The following ABHD2 variants were observed in gnomAD, a reference collection of about 807,000 sequenced individuals.
ABHD2 encodes the protein monoacylglycerol lipase ABHD2.
ABHD2 carries 20 observed loss-of-function variants against 48.1 expected under a neutral mutation model. That is an observed-to-expected ratio of 0.42 (90% CI 0.29 to 0.60). ABHD2 has a LOEUF of 0.60. Ranked by LOEUF, ABHD2 falls within the 20% of genes least tolerant of loss-of-function variation. The pLI is 0.24. For missense variants in ABHD2, 405 were observed against 550.9 expected (o/e 0.74, Z 2.65); for synonymous variants, 209 against 214.2 (o/e 0.98, Z 0.21).
In ABHD2 at chr15:89,174,215, A is replaced by G. The variant is rs1454913830; in HGVS notation, c.539-1597A>G. Among the ~76,000 whole-genome samples, 1 of 152,170 alleles carries G rather than the reference A, an allele frequency of 6.6e-6. No homozygotes were observed. The highest frequency in any genetic ancestry group is 1.9e-4 in the East Asian group (1 of 5,204). ...ATATTGCCAGACATATTGTAAAGGG[A>G]AAAAAAGAGCCACCGAACAATGTGT... On this transcript the variant is annotated intron_variant, in intron 5 of 10. Coordinates refer to ENST00000352732, the MANE Select transcript of ABHD2 (RefSeq NM_152924.5). This position sits in a 1 kb window ranked among gnomAD's most constrained non-coding sequence, Gnocchi z 4.1.
intron 5 of ABHD2, among the ~76,000 whole-genome samples, chr15:89,159,012 A>ATT (rs2050719129): frequency 6.6e-6 from 1 of 151,950 alleles, no homozygotes; most frequent in Non-Finnish European, 1.5e-5. Flanking sequence ...TTGGTGAGAG[A>ATT]TTAACCGTGC....
At chr15:89,130,123 G>C (rs2050196183) in intron 3 of ABHD2, among the ~76,000 whole-genome samples, 1 of 152,190 alleles carries the variant, frequency 6.6e-6, no homozygotes, top group African/African-American at 2.4e-5. Flanking sequence ...AGGAAAATAT[G>C]GCAATATTGT....
At chr15:89,051,096 G>A in the ABHD2 span, among the ~76,000 whole-genome samples, 1 of 152,140 alleles carries the variant, frequency 6.6e-6, no homozygotes, top group South Asian at 2.1e-4. Flanking sequence ...AGCTGGGCGT[G>A]GTGGTGCGCG....
At chr15:89,143,683 C>T (rs1389007799) in intron 3 of ABHD2, among the ~76,000 whole-genome samples, 1 of 98,492 alleles carries the variant, frequency 1.0e-5, no homozygotes, top group Non-Finnish European at 1.9e-5. Context: ...AACTCCATCT[C>T]AAAACAAAAA....
At chr15:89,135,138 T>TTTTTC (rs58867022) in intron 3 of ABHD2, among the ~76,000 whole-genome samples, 73,208 of 108,784 alleles carry the variant, frequency 0.67, 21,667 homozygotes, top group South Asian at 0.78. Flanking sequence ...TGGCTACAAC[T>TTTTTC]TTTTCTTTTT....
chr15:89,109,629 C>T (rs1267397018), intron 1 of ABHD2, among the ~76,000 whole-genome samples: 2 of 152,030 alleles, frequency 1.3e-5, no homozygotes, highest in South Asian at 2.1e-4. Flanking sequence ...ACAATGGAAT[C>T]AGAGTTTGCT....
rs1296081829 is a variant in ABHD2 at position 89,198,376 on chromosome 15, C to T, written c.*2953C>T. On this transcript the variant is annotated 3_prime_UTR_variant, in exon 11 of 11. Transcript: ENST00000352732. The surrounding 1 kb of genome is among the most constrained non-coding windows in gnomAD (Gnocchi z 5.1). ...CTGATTCCAGTCAAATTAGGATTAA[C>T]TGACTCAAAAAATGGTGTCAAGTTT... 1.3e-5 allele frequency: 2 copies of T among 152,188 alleles called. No individual in the cohort carries two copies. Among genetic ancestry groups the T allele is most frequent in the Non-Finnish European group, 2.9e-5 (2 of 68,038 alleles). 9.4% of individuals were successfully genotyped at this position (152,188 alleles called of 1,614,324 possible). A position where few individuals can be genotyped will look rare whatever the true frequency, so the allele number is the denominator to read the frequency against.
intron 1 of ABHD2, among the ~76,000 whole-genome samples, chr15:89,103,574 ATCC>A (rs964279469): frequency 2.6e-5 from 4 of 152,280 alleles, no homozygotes; most frequent in Admixed American, 2.0e-4. Flanking sequence ...AGGCCTCAAA[ATCC>A]TCCAAAAGTG....
At chr15:89,096,624 T>A (rs2049617736) in intron 1 of ABHD2, among the ~76,000 whole-genome samples, 1 of 152,170 alleles carries the variant, frequency 6.6e-6, no homozygotes, top group Non-Finnish European at 1.5e-5. Flanking sequence ...ATTAGCTGAG[T>A]TGAAGAGTTA....
chr15:89,131,541 A>G (rs369201526), intron 3 of ABHD2, among the ~76,000 whole-genome samples: 1 of 152,174 alleles, frequency 6.6e-6, no homozygotes, highest in African/African-American at 2.4e-5. Context: ...TGTGTCCAAG[A>G]AAAAGCAAAA....
At chr15:89,082,991 A>G (rs1457178651), upstream of ABHD2, among the ~76,000 whole-genome samples, 1 of 152,150 alleles carries the variant, frequency 6.6e-6, no homozygotes, top group East Asian at 1.9e-4. This position sits in a 1 kb window ranked among gnomAD's most constrained non-coding sequence, Gnocchi z 4.4. Flanking sequence ...GGTAGCTGGA[A>G]TTACAGGCGC....
the ABHD2 span, among the ~76,000 whole-genome samples, chr15:89,063,169 T>C: frequency 6.6e-6 from 1 of 152,084 alleles, no homozygotes; most frequent in African/African-American, 2.4e-5. Context: ...GGTTTTACCA[T>C]GTTGGCCAGG....
the ABHD2 span, among the ~76,000 whole-genome samples, chr15:89,052,201 G>T: frequency 6.6e-6 from 1 of 152,198 alleles, no homozygotes; most frequent in Non-Finnish European, 1.5e-5. Context: ...CCACCTCATT[G>T]TGGGGCTGGA....
In ABHD2 at chr15:89,176,158, T is replaced by A. The variant is rs748569686; in HGVS notation, c.722+163T>A. ...CCTTGTTTTGTCTGCATATCATACA[T>A]TGGAGATGCCCCATCAGACCCCTTA... On this transcript the variant is annotated intron_variant, in intron 6 of 10. Transcript: ENST00000352732. The surrounding 1 kb of genome is among the most constrained non-coding windows in gnomAD (Gnocchi z 4.5). Among the ~76,000 whole-genome samples the A allele has an allele frequency of 1.3e-5, 2 of 152,172 alleles. No homozygotes were observed. Among genetic ancestry groups the A allele is most frequent in the African/African-American group, 4.8e-5 (2 of 41,454 alleles).
rs2150965130 is a variant in ABHD2 at position 89,201,778 on chromosome 15, C to T, written c.*6355C>T. The T allele has an allele frequency of 6.7e-7, 1 of 1,491,282 alleles. No individual in the cohort carries two copies. The highest frequency in any genetic ancestry group is 1.1e-5 in the South Asian group (1 of 88,512). 92.4% of individuals were successfully genotyped at this position (1,491,282 alleles called of 1,614,324 possible). On this transcript the variant is annotated 3_prime_UTR_variant, in exon 11 of 11. Transcript: ENST00000352732. ...AGGACCAGGATCTGCTCGTGCTTCG[C>T]CGTGGCCCCGGAGGCAGACGCCATT...
At chr15:89,190,300 C>T (rs1020133731) in intron 8 of ABHD2, among the ~76,000 whole-genome samples, 3 of 152,172 alleles carry the variant, frequency 2.0e-5, no homozygotes, top group East Asian at 3.9e-4. Context: ...TCTGGGAGCA[C>T]GGAGCAGAGC....
Position 89,185,492 on chromosome 15 carries a change from TGAA to T in ABHD2, c.797_799del (p.Lys266del). On this transcript the variant is annotated inframe_deletion, in exon 7 of 11. Coordinates refer to ENST00000352732, the MANE Select transcript of ABHD2 (RefSeq NM_152924.5). This position sits in a 1 kb window ranked among gnomAD's most constrained non-coding sequence, Gnocchi z 5.9. The stretch of plus-strand genomic sequence containing the variant: ...TACAACTTCCTCATGGCTGACAACA[TGAA>T]GAAGATCATCCTCTCGCACAGGTAG... 4 of 1,614,044 alleles carry T rather than the reference TGAA, an allele frequency of 2.5e-6. No homozygotes were observed. The highest frequency in any genetic ancestry group is 1.3e-5 in the African/African-American group (1 of 74,992).
At chr15:89,054,419 G>A in the ABHD2 span, among the ~76,000 whole-genome samples, 2 of 151,922 alleles carry the variant, frequency 1.3e-5, no homozygotes, top group African/African-American at 2.4e-5. Context: ...AGTGGCTCAC[G>A]CCTGTAATCC....
chr15:89,115,100 G>C (rs1196794875), intron 2 of ABHD2, among the ~76,000 whole-genome samples: 1 of 152,140 alleles, frequency 6.6e-6, no homozygotes, highest in Non-Finnish European at 1.5e-5. Flanking sequence ...AGATTGTTTT[G>C]TTCTGCCTGT....
Sources: gnomAD v4.1 joint callset for allele counts (sites outside exome capture counted in the v4.1 genomes callset) on GRCh38, gnomAD v4.1.1 for gene constraint, Gnocchi (gnomAD v3.1) non-coding constraint, MANE v1.5 for transcripts, NCBI Gene and HGNC (gene_info 2026-07-23, HGNC 2026-07-21) for gene names.